Variants in HRH2 observed in about 807,000 individuals in gnomAD.
HRH2 encodes histamine H2 receptor.
A neutral mutation model predicts 20.1 loss-of-function variants in HRH2; 4 were observed. The ratio of observed to expected loss-of-function variants is 0.20; its 90% confidence interval spans 0.10 to 0.45. The LOEUF is 0.45. Ranked by LOEUF, HRH2 falls within the 20% of genes least tolerant of loss-of-function variation. The pLI, the probability that HRH2 is intolerant of heterozygous loss-of-function variation, is 0.99. For synonymous variants in HRH2, 197 were observed against 200.7 expected, an observed-to-expected ratio of 0.98 and a Z score of 0.16; for missense variants, 250 against 461.6, an observed-to-expected ratio of 0.54 and a Z score of 4.20.
At position 175,675,883 on chromosome 5, in the gene HRH2, C is replaced by G. The variant is rs190898917; in HGVS notation, c.-525-6826C>G. On this transcript the variant is annotated intron_variant, in intron 1 of 2. Transcript: ENST00000636584. ...CAAGAGACACATGGTGAAAAAGAAGCCTTTCTCCCATCCTGTCCCAGCTCC... is the reference window on the plus strand; with the variant it reads ...CAAGAGACACATGGTGAAAAAGAAGGCTTTCTCCCATCCTGTCCCAGCTCC... Among the ~76,000 whole-genome samples the G allele has an allele frequency of 2.0e-3, 302 of 152,308 alleles. 1 individual carries two copies. Among genetic ancestry groups the G allele is most frequent in the South Asian group, 2.9e-3 (14 of 4,828 alleles).
At position 175,686,695 on chromosome 5, in the gene HRH2, C is replaced by G. The variant is rs1312997476; in HGVS notation, c.1076+2386C>G. On this transcript the variant is annotated intron_variant, in intron 2 of 2. Transcript: ENST00000636584. This position sits in a 1 kb window ranked among gnomAD's most constrained non-coding sequence, Gnocchi z 4.7. Reference sequence around the variant, plus strand: ...GCTTTTAAATGCAAACGAGAAAGACCCTTTCATCCAAGGCAGGGCTGGACC... The same window carrying G: ...GCTTTTAAATGCAAACGAGAAAGACGCTTTCATCCAAGGCAGGGCTGGACC... Among the ~76,000 whole-genome samples the G allele has an allele frequency of 1.3e-5, 2 of 152,166 alleles. No individual in the cohort carries two copies. The highest frequency in any genetic ancestry group is 2.9e-5 in the Non-Finnish European group (2 of 68,026).
intron 2 of HRH2, among the ~76,000 whole-genome samples, chr5:175,698,512 GCA>G (rs1756683887): frequency 6.6e-6 from 1 of 152,186 alleles, no homozygotes; most frequent in Non-Finnish European, 1.5e-5. Flanking sequence ...AAAAAAAGAT[GCA>G]AAACACCCAG....
chr5:175,674,382 C>T (rs1581421898), intron 1 of HRH2, among the ~76,000 whole-genome samples: 3 of 152,282 alleles, frequency 2.0e-5, no homozygotes, highest in Admixed American at 6.5e-5. Flanking sequence ...GTCAGGTGCC[C>T]GGCACGTGGT....
intron 1 of HRH2, among the ~76,000 whole-genome samples, chr5:175,666,392 C>G (rs979568516): frequency 5.9e-5 from 9 of 152,138 alleles, no homozygotes; most frequent in African/African-American, 1.7e-4. Context: ...ACAGAGACCC[C>G]AGTTGATGTG....
intron 1 of HRH2, among the ~76,000 whole-genome samples, chr5:175,662,612 C>G (rs1419309822): frequency 1.3e-5 from 2 of 152,174 alleles, no homozygotes; most frequent in Non-Finnish European, 2.9e-5. Context: ...CCTCTGCCCC[C>G]ACCCCTCAAG....
At chr5:175,689,860 C>A (rs1029349320) in intron 2 of HRH2, among the ~76,000 whole-genome samples, 1 of 152,218 alleles carries the variant, frequency 6.6e-6, no homozygotes, top group African/African-American at 2.4e-5. Context: ...GGACTGCATC[C>A]ACAGCATCAC....
At chr5:175,668,241 G>A (rs996030051) in intron 1 of HRH2, among the ~76,000 whole-genome samples, 1 of 152,170 alleles carries the variant, frequency 6.6e-6, no homozygotes, top group African/African-American at 2.4e-5. Flanking sequence ...TCACACATGT[G>A]CGCTATTTAT....
chr5:175,684,119 C>T lies in HRH2; in HGVS notation c.886C>T (p.Arg296Cys), dbSNP rs1165300612. ...GTATGCTGCGCTGAACAGAGACTTC[C>T]GCACCGGGTACCAACAGCTCTTCTG... is the stretch of plus-strand genomic sequence containing the variant. ...ILYAALNRDF[R>C]TGYQQLFCCR... Residue 296 changes from arginine to cysteine, a missense_variant, in exon 2 of 3, where the codon CGC becomes TGC. Physicochemically the swap from Arg to Cys is radical, Grantham distance 180 (BLOSUM62 -3). Coordinates refer to ENST00000636584, the MANE Select transcript of HRH2 (RefSeq NM_001367711.1). The T allele has an allele frequency of 6.8e-6, 11 of 1,614,040 alleles. No homozygotes were observed. Among genetic ancestry groups the T allele is most frequent in the African/African-American group, 1.3e-5 (1 of 74,902 alleles).
At position 175,688,092 on chromosome 5, in the gene HRH2, C is replaced by T. The variant is rs181682075; in HGVS notation, c.1076+3783C>T. 5.9e-4 allele frequency among the ~76,000 whole-genome samples: 90 copies of T among 152,300 alleles called. 1 individual carries two copies. The highest frequency in any genetic ancestry group is 5.4e-3 in the Admixed American group (83 of 15,300). Reference sequence around the variant, plus strand: ...CTCCAGCCTTTTGCTTCCAAGGTCACGTCACCTTCTGCTCTGCTGTAGTCA... The same window carrying T: ...CTCCAGCCTTTTGCTTCCAAGGTCATGTCACCTTCTGCTCTGCTGTAGTCA... On this transcript the variant is annotated intron_variant, in intron 2 of 2. Coordinates refer to ENST00000636584, the MANE Select transcript of HRH2 (RefSeq NM_001367711.1).
rs1297293487 is a variant in HRH2, at chr5:175,677,254, G to T, written c.-525-5455G>T. 6.6e-6 allele frequency among the ~76,000 whole-genome samples: 1 copy of T among 152,254 alleles called. No homozygotes were observed. Among genetic ancestry groups the T allele is most frequent in the Admixed American group, 6.5e-5 (1 of 15,290 alleles). On this transcript the variant is annotated intron_variant, in intron 1 of 2. Transcript: ENST00000636584. The surrounding 1 kb of genome is among the most constrained non-coding windows in gnomAD (Gnocchi z 4.2). ...TTCTCCCACCTCAGCCTCCCAAAAT[G>T]CTGGGACTGCAGGTGTGAATCACTG... is the stretch of plus-strand genomic sequence containing the variant.
chr5:175,673,060 A>G (rs1755614401), intron 1 of HRH2, among the ~76,000 whole-genome samples: 1 of 152,176 alleles, frequency 6.6e-6, no homozygotes, highest in African/African-American at 2.4e-5. Flanking sequence ...CTTCTGAGCC[A>G]GTGGTAAGAG....
intron 1 of HRH2, among the ~76,000 whole-genome samples, chr5:175,675,848 G>A (rs919189592): frequency 1.3e-5 from 2 of 152,178 alleles, no homozygotes; most frequent in Admixed American, 1.3e-4. Flanking sequence ...TGGAAAGATT[G>A]AAAAGGTCCC....
At chr5:175,698,531 C>A (rs1756684317) in intron 2 of HRH2, among the ~76,000 whole-genome samples, 1 of 152,210 alleles carries the variant, frequency 6.6e-6, no homozygotes, top group Non-Finnish European at 1.5e-5. Flanking sequence ...CCAGCTCAGG[C>A]CCCAGAACAC....
At chr5:175,699,728 C>T (rs1423222793) in intron 2 of HRH2, among the ~76,000 whole-genome samples, 5 of 152,118 alleles carry the variant, frequency 3.3e-5, no homozygotes, top group African/African-American at 9.7e-5. Flanking sequence ...CGCCCACCAC[C>T]ACGCCCGGCT....
At chr5:175,678,182 G>C (rs1755824414) in intron 1 of HRH2, among the ~76,000 whole-genome samples, 1 of 152,208 alleles carries the variant, frequency 6.6e-6, no homozygotes, top group Non-Finnish European at 1.5e-5. Context: ...TCCCACCCCT[G>C]TGATGGGGGC....
In HRH2 at chr5:175,699,021, G is replaced by A. The variant is rs114132561; in HGVS notation, c.1077-8758G>A. Among the ~76,000 whole-genome samples the A allele has an allele frequency of 4.8e-3, 728 of 152,318 alleles. 5 individuals are homozygous for A. Among genetic ancestry groups the A allele is most frequent in the African/African-American group, 0.017 (693 of 41,568 alleles). On this transcript the variant is annotated intron_variant, in intron 2 of 2. Coordinates refer to ENST00000636584, the MANE Select transcript of HRH2 (RefSeq NM_001367711.1). ...TCTTTCAAAGCAGATCCTGGGCCAG[G>A]CAAACCCTCTGTGCTTACTTCCAGA...
intron 1 of HRH2, among the ~76,000 whole-genome samples, chr5:175,669,210 C>T (rs375510538): frequency 2.0e-5 from 3 of 152,070 alleles, no homozygotes; most frequent in East Asian, 3.9e-4. Flanking sequence ...GAATGATGAA[C>T]CCCACATCCC....
intron 2 of HRH2, among the ~76,000 whole-genome samples, chr5:175,705,635 C>A (rs910774035): frequency 6.6e-6 from 1 of 151,608 alleles, no homozygotes; most frequent in African/African-American, 2.4e-5. Context: ...GCAGGACTAC[C>A]TACCCCTACA....
chr5:175,680,292 C>T (rs1561727572), intron 1 of HRH2, among the ~76,000 whole-genome samples: 1 of 152,186 alleles, frequency 6.6e-6, no homozygotes, highest in African/African-American at 2.4e-5. Flanking sequence ...GGGAATTTTA[C>T]AAGAAGTGAA....
Sources: gnomAD v4.1 joint callset for allele counts (sites outside exome capture counted in the v4.1 genomes callset) on GRCh38, gnomAD v4.1.1 for gene constraint, Gnocchi (gnomAD v3.1) non-coding constraint, MANE v1.5 for transcripts, NCBI Gene and HGNC (gene_info 2026-07-23, HGNC 2026-07-21) for gene names.